The following UQCRH variants were observed in gnomAD, a reference collection of about 807,000 sequenced individuals.
UQCRH encodes the protein ubiquinol-cytochrome c reductase hinge protein.
In UQCRH, 14 loss-of-function variants were observed where a neutral mutation model predicts 16.3. The observed-to-expected ratio is 0.86, with a 90% confidence interval of 0.57 to 1.34. The LOEUF (loss-of-function observed/expected upper bound fraction) is 1.34. Among genes scored for constraint, UQCRH ranks in the 40% most tolerant of loss-of-function variants. The probability of loss-of-function intolerance (pLI) is 0.00; values close to 1 mark genes in which losing one functional copy is unlikely to be tolerated. For synonymous variants in UQCRH, 41 were observed against 41.9 expected (o/e 0.98, Z 0.08); for missense variants, 89 against 111.9 (o/e 0.80, Z 0.92).
At chr1:46,311,733 C>T (rs1307297962) in intron 3 of UQCRH, among the ~76,000 whole-genome samples, 9 of 149,016 alleles carry the variant, frequency 6.0e-5, no homozygotes, top group Non-Finnish European at 1.2e-4. Context: ...GCTGGGACCG[C>T]AGGCGCCCGC....
At chr1:46,311,632 G>C (rs1258197230) in intron 3 of UQCRH, among the ~76,000 whole-genome samples, 2 of 150,124 alleles carry the variant, frequency 1.3e-5, no homozygotes, top group Non-Finnish European at 3.0e-5. Flanking sequence ...TTGGTCTGTC[G>C]CCCAGGCTGG....
In UQCRH at chr1:46,303,734, C is replaced by T. The variant is rs1451316012; in HGVS notation, c.-33C>T. ...TGAACTGGGTTAGGTGCCGCTGTTG[C>T]TGCTCGTGTTGAATCTAGAACCGTA... On this transcript the variant is annotated 5_prime_UTR_variant, in exon 1 of 4. Coordinates refer to ENST00000311672, the MANE Select transcript of UQCRH (RefSeq NM_006004.4). The T allele has an allele frequency of 4.3e-6, 7 of 1,613,950 alleles. No individual in the cohort carries two copies. The highest frequency in any genetic ancestry group is 5.9e-6 in the Non-Finnish European group (7 of 1,179,978).
At chr1:46,309,446 CT>C (rs1661427696) in intron 2 of UQCRH, 2 of 301,838 alleles carry the variant, frequency 6.6e-6, no homozygotes, top group Admixed American at 4.8e-5. Context: ...AATCTCAGCA[CT>C]TTGGGAGGCC....
Position 46,316,247 on chromosome 1 carries a change from G to A in UQCRH, c.244-305G>A, listed in dbSNP as rs72883436. Among the ~76,000 whole-genome samples, 1,054 of 152,298 alleles carry A rather than the reference G, an allele frequency of 6.9e-3. 16 individuals carry two copies. The highest frequency in any genetic ancestry group is 0.024 in the African/African-American group (1,002 of 41,552). ...AGGAGATGTCCTGTTGAATTAATATGTAATGTTAATGTCACTGATGGGGAG... is the reference window on the plus strand; with the variant it reads ...AGGAGATGTCCTGTTGAATTAATATATAATGTTAATGTCACTGATGGGGAG... On this transcript the variant is annotated intron_variant, in intron 3 of 3. Transcript: ENST00000311672.
intron 3 of UQCRH, among the ~76,000 whole-genome samples, chr1:46,314,654 CAA>C (rs1198520631): frequency 1.6e-5 from 2 of 127,204 alleles, no homozygotes; most frequent in African/African-American, 6.0e-5. Flanking sequence ...CCCTGGGCAA[CAA>C]GAGCAAAACT....
At chr1:46,315,270 C>T (rs553719903) in intron 3 of UQCRH, among the ~76,000 whole-genome samples, 1 of 152,268 alleles carries the variant, frequency 6.6e-6, no homozygotes, top group African/African-American at 2.4e-5. Context: ...CATGGAGAAA[C>T]ACCGTCTCTA....
chr1:46,315,274 G>A (rs887690726), intron 3 of UQCRH, among the ~76,000 whole-genome samples: 3 of 152,152 alleles, frequency 2.0e-5, no homozygotes, highest in South Asian at 2.1e-4. Flanking sequence ...GAGAAACACC[G>A]TCTCTACTAA....
intron 1 of UQCRH, among the ~76,000 whole-genome samples, chr1:46,306,589 G>A (rs1290265308): frequency 6.6e-6 from 1 of 151,870 alleles, no homozygotes; most frequent in Non-Finnish European, 1.5e-5. Context: ...GGCCAGGATG[G>A]TCTCAATCTC....
intron 1 of UQCRH, among the ~76,000 whole-genome samples, chr1:46,308,594 T>G (rs1355819534): frequency 6.6e-6 from 1 of 152,194 alleles, no homozygotes; most frequent in Non-Finnish European, 1.5e-5. Flanking sequence ...CCCACCACTT[T>G]GGGAGGCCAA....
chr1:46,309,994 A>C (rs1017151287), intron 2 of UQCRH, 161 bp from the exon 3 acceptor site: 1 of 1,490,130 alleles, frequency 6.7e-7, no homozygotes, highest in African/African-American at 1.4e-5. Context: ...GGGAGACCGC[A>C]TTCTGCCATT....
At chr1:46,313,169 A>G (rs1022109069) in intron 3 of UQCRH, among the ~76,000 whole-genome samples, 3 of 152,162 alleles carry the variant, frequency 2.0e-5, no homozygotes, top group African/African-American at 7.2e-5. Context: ...CATTATTTAT[A>G]CTACCCAAAA....
Position 46,316,637 on chromosome 1 carries a change from C to T in UQCRH, c.*53C>T. On this transcript the variant is annotated 3_prime_UTR_variant, in exon 4 of 4. Transcript: ENST00000311672. Reference sequence around the variant, plus strand: ...TCATCATCTGGGCATCAGAATATTTCCTTATGGTTTTGGATGTACCATTTG... The same window carrying T: ...TCATCATCTGGGCATCAGAATATTTTCTTATGGTTTTGGATGTACCATTTG... 3 of 1,608,064 alleles carry T rather than the reference C, an allele frequency of 1.9e-6. No homozygotes were observed. The highest frequency in any genetic ancestry group is 2.2e-5 in the East Asian group (1 of 44,798).
rs148934256 is a variant in UQCRH at position 46,310,262 on chromosome 1, A to G, written c.189A>G (p.Thr63=). Residue 63 remains threonine (T), a synonymous_variant, in exon 3 of 4, where the codon ACA becomes ACG. Coordinates refer to ENST00000311672, the MANE Select transcript of UQCRH (RefSeq NM_006004.4). Reference sequence around the variant, plus strand: ...AGCGTGTATCCTCTCGATCACATACAGAAGAGGATTGCACGGAGGAGCTCT... The same window carrying G: ...AGCGTGTATCCTCTCGATCACATACGGAAGAGGATTGCACGGAGGAGCTCT... ...CDERVSSRSH[T]EEDCTEELFD... The G allele has an allele frequency of 6.2e-7, 1 of 1,614,226 alleles. No homozygotes were observed. The highest frequency in any genetic ancestry group is 1.3e-5 in the African/African-American group (1 of 75,056).
rs547035389 is a variant in UQCRH, at chr1:46,316,675, G to A, written c.*91G>A. On this transcript the variant is annotated 3_prime_UTR_variant, in exon 4 of 4. Transcript: ENST00000311672. ...GATGTACCATTTGTTTCTTATTTGT[G>A]TAACTGTAAGTTCACATGAACCTCA... 1.9e-6 allele frequency: 3 copies of A among 1,576,988 alleles called. No homozygotes were observed. The Admixed American group carries it at 5.5e-5, about 29-fold the overall frequency.
intron 3 of UQCRH, among the ~76,000 whole-genome samples, chr1:46,311,203 C>T (rs1488240698): frequency 6.6e-6 from 1 of 151,984 alleles, no homozygotes; most frequent in African/African-American, 2.4e-5. Flanking sequence ...AACATCCCAA[C>T]ATGCACCACT....
At chr1:46,305,239 A>T (rs555046336) in intron 1 of UQCRH, among the ~76,000 whole-genome samples, 117 of 142,340 alleles carry the variant, frequency 8.2e-4, no homozygotes, top group Non-Finnish European at 1.2e-3. Flanking sequence ...TCCAGGCTGC[A>T]GTGAGCCGTG....
intron 3 of UQCRH, 75 bp from the exon 4 acceptor site, chr1:46,316,477 C>G: frequency 1.3e-6 from 2 of 1,597,720 alleles, no homozygotes; most frequent in Admixed American, 1.7e-5. Context: ...AGTACTGTTT[C>G]AGGTCTTGAA....
rs182321588 is a variant in UQCRH, at chr1:46,314,443, A to G, written c.244-2109A>G. Among the ~76,000 whole-genome samples, 158 of 152,022 alleles carry G rather than the reference A, an allele frequency of 1.0e-3. 1 individual carries two copies. The South Asian group carries it at 0.017, about 16-fold the overall frequency. On this transcript the variant is annotated intron_variant, in intron 3 of 3. Coordinates refer to ENST00000311672, the MANE Select transcript of UQCRH (RefSeq NM_006004.4). Reference sequence around the variant, plus strand: ...CCCAGCTTTTTGGGAGGCCGAGGCAAGTGGATCACCTGCTGTCCGGAGTTC... The same window carrying G: ...CCCAGCTTTTTGGGAGGCCGAGGCAGGTGGATCACCTGCTGTCCGGAGTTC...
At position 46,309,081 on chromosome 1, in the gene UQCRH, A is replaced by AT. The variant is rs751958040; in HGVS notation, c.55-16dup. 44 of 1,613,482 alleles carry AT rather than the reference A, an allele frequency of 2.7e-5. No homozygotes were observed. Among genetic ancestry groups the AT allele is most frequent in the Non-Finnish European group, 2.7e-5 (32 of 1,179,780 alleles). On this transcript the variant is annotated intron_variant, in intron 1 of 3. Transcript: ENST00000311672. ...TGTCATAAAATTGCTGCTGACATTA[A>AT]TTTTGTTTTCCTTTTGTAGGAGGAA...
Sources: gnomAD v4.1 joint callset for allele counts (sites outside exome capture counted in the v4.1 genomes callset) on GRCh38, gnomAD v4.1.1 for gene constraint, MANE v1.5 for transcripts, NCBI Gene and HGNC (gene_info 2026-07-23, HGNC 2026-07-21) for gene names.